Variants in ZNG1E observed in about 807,000 individuals in gnomAD.
ZNG1E encodes zinc-regulated GTPase metalloprotein activator 1E.
the ZNG1E span, among the ~76,000 whole-genome samples, chr9:65,684,642 T>G: frequency 6.6e-6 from 1 of 151,532 alleles, no homozygotes. Context: ...CTTGGTAGTA[T>G]GTTGAATGGC....
the ZNG1E span, chr9:65,708,387 GC>G: frequency 6.3e-6 from 1 of 158,064 alleles, no homozygotes; most frequent in East Asian, 1.8e-4. Flanking sequence ...TCTACATGCA[GC>G]CCCATTCTGA....
chr9:65,722,697 A>ATTTTT, the ZNG1E span, among the ~76,000 whole-genome samples: 87 of 8,402 alleles, frequency 0.01, 25 homozygotes, highest in African/African-American at 0.029. Flanking sequence ...TGCCTAGCTA[A>ATTTTT]TTTTTTTTTT....
chr9:65,656,837 A>G, the ZNG1E span, among the ~76,000 whole-genome samples: 1 of 152,222 alleles, frequency 6.6e-6, no homozygotes, highest in African/African-American at 2.4e-5. Flanking sequence ...CCACTTCCAG[A>G]GGAAAGACAT....
chr9:65,713,997 C>G, the ZNG1E span, among the ~76,000 whole-genome samples: 6 of 150,936 alleles, frequency 4.0e-5, no homozygotes, highest in Non-Finnish European at 8.9e-5. Context: ...GTACACCAAT[C>G]AGACGTAGAT....
the ZNG1E span, among the ~76,000 whole-genome samples, chr9:65,709,392 T>G: frequency 6.7e-6 from 1 of 149,716 alleles, no homozygotes; most frequent in African/African-American, 2.5e-5. Context: ...AGGGTACATG[T>G]GCACAATGTG....
chr9:65,710,670 T>G, the ZNG1E span, among the ~76,000 whole-genome samples: 1 of 151,452 alleles, frequency 6.6e-6, no homozygotes, highest in Non-Finnish European at 1.5e-5. Flanking sequence ...GTTGTAGATA[T>G]GCGGCGTTAT....
chr9:65,714,643 G>T, the ZNG1E span, among the ~76,000 whole-genome samples: 10 of 152,102 alleles, frequency 6.6e-5, no homozygotes, highest in South Asian at 4.1e-4. Flanking sequence ...GTACCCGGCC[G>T]TGTGAGGTGT....
At chr9:65,660,431 A>G in the ZNG1E span, among the ~76,000 whole-genome samples, 3 of 151,978 alleles carry the variant, frequency 2.0e-5, no homozygotes, top group Non-Finnish European at 4.4e-5. Flanking sequence ...AGGATACTAT[A>G]AAGCTCATCT....
At chr9:65,722,682 C>T in the ZNG1E span, among the ~76,000 whole-genome samples, 1 of 67,694 alleles carries the variant, frequency 1.5e-5, no homozygotes, top group Admixed American at 1.8e-4. Flanking sequence ...AGGCATGTAC[C>T]ACCATGCCTA....
the ZNG1E span, among the ~76,000 whole-genome samples, chr9:65,699,094 T>A: frequency 6.7e-6 from 1 of 148,158 alleles, no homozygotes; most frequent in Admixed American, 6.8e-5. Context: ...TTTTATTTTA[T>A]TTTTTTTTAG....
the ZNG1E span, among the ~76,000 whole-genome samples, chr9:65,714,870 C>T: frequency 6.6e-6 from 1 of 151,966 alleles, no homozygotes; most frequent in Non-Finnish European, 1.5e-5. Flanking sequence ...TGCCCTGCCC[C>T]CAGAGGTGGA....
chr9:65,654,979 C>A, the ZNG1E span, among the ~76,000 whole-genome samples: 2 of 152,276 alleles, frequency 1.3e-5, no homozygotes, highest in Non-Finnish European at 2.9e-5. Context: ...GTAATTACTA[C>A]CTTGATAGGG....
At chr9:65,720,832 G>T in the ZNG1E span, among the ~76,000 whole-genome samples, 52 of 146,310 alleles carry the variant, frequency 3.6e-4, no homozygotes, top group Non-Finnish European at 4.8e-4. Context: ...ATTCATTTTG[G>T]TTCATATTTA....
chr9:65,710,589 C>T, the ZNG1E span, among the ~76,000 whole-genome samples: 5 of 152,200 alleles, frequency 3.3e-5, no homozygotes. Flanking sequence ...CCAGTTTTCC[C>T]AGAACCATTT....
At chr9:65,715,530 TTC>T in the ZNG1E span, among the ~76,000 whole-genome samples, 120 of 144,682 alleles carry the variant, frequency 8.3e-4, no homozygotes, top group Non-Finnish European at 1.5e-3. Context: ...CGGTATCTTT[TTC>T]TTTTTTTATT....
chr9:65,667,944 C>T, the ZNG1E span, among the ~76,000 whole-genome samples: 7 of 137,554 alleles, frequency 5.1e-5, no homozygotes, highest in African/African-American at 1.9e-4. Context: ...TGCAGTGAGC[C>T]AAGACTGCAC....
At chr9:65,687,685 T>A in the ZNG1E span, among the ~76,000 whole-genome samples, 2 of 151,096 alleles carry the variant, frequency 1.3e-5, no homozygotes, top group Non-Finnish European at 3.0e-5. Context: ...GAAAAATAAC[T>A]TGTTTGGGAA....
chr9:65,671,974 T>C, the ZNG1E span, among the ~76,000 whole-genome samples: 1 of 138,618 alleles, frequency 7.2e-6, no homozygotes, highest in Non-Finnish European at 1.5e-5. Context: ...AATTTGCTTT[T>C]TGATCTGTAA....
At chr9:65,705,101 G>A in the ZNG1E span, among the ~76,000 whole-genome samples, 1 of 150,432 alleles carries the variant, frequency 6.6e-6, no homozygotes, top group Non-Finnish European at 1.5e-5. Flanking sequence ...TTAAGATTAA[G>A]GAAAAGGAAT....
Sources: gnomAD v4.1 joint callset for allele counts (sites outside exome capture counted in the v4.1 genomes callset) on GRCh38, gnomAD v4.1.1 for gene constraint, MANE v1.5 for transcripts, NCBI Gene and HGNC (gene_info 2026-07-23, HGNC 2026-07-21) for gene names.